Variants in HCRTR2 observed in about 807,000 individuals in gnomAD.
The protein encoded by HCRTR2 is hypocretin receptor 2.
A neutral mutation model predicts 49.0 loss-of-function variants in HCRTR2; 22 were observed. That is an observed-to-expected ratio of 0.45 (90% CI 0.32 to 0.64). HCRTR2 has a LOEUF of 0.64. Ranked by LOEUF, HCRTR2 falls within the 30% of genes least tolerant of loss-of-function variation. HCRTR2 has a pLI of 0.04. For synonymous variants in HCRTR2, 236 were observed against 205.3 expected (o/e 1.15, Z -1.28); for missense variants, 491 against 559.4 (o/e 0.88, Z 1.23).
chr6:55,122,941 G>T (rs1764222075), intron 1 of HCRTR2, among the ~76,000 whole-genome samples: 1 of 136,130 alleles, frequency 7.3e-6, no homozygotes. Flanking sequence ...CACAAGAAGG[G>T]GAACATCACA....
chr6:55,145,393 G>T (rs980649104), intron 1 of HCRTR2, among the ~76,000 whole-genome samples: 1 of 136,140 alleles, frequency 7.3e-6, no homozygotes, highest in Admixed American at 7.0e-5. Flanking sequence ...AACATTCTTT[G>T]TTTTTTTTTT....
At chr6:55,263,457 A>G (rs1442242571) in intron 3 of HCRTR2, among the ~76,000 whole-genome samples, 1 of 152,116 alleles carries the variant, frequency 6.6e-6, no homozygotes, top group Non-Finnish European at 1.5e-5. Context: ...AAATTAAGAA[A>G]TAGCTAATGC....
chr6:55,145,892 A>C (rs1418469849), intron 1 of HCRTR2, among the ~76,000 whole-genome samples: 1 of 151,900 alleles, frequency 6.6e-6, no homozygotes, highest in Non-Finnish European at 1.5e-5. Context: ...ATAATCCTAC[A>C]TTTCTACTCA....
chr6:55,223,763 G>T (rs9396063), intron 1 of HCRTR2, among the ~76,000 whole-genome samples: 27,310 of 151,526 alleles, frequency 0.18, 2,834 homozygotes, highest in Non-Finnish European at 0.24. Context: ...AGAAAAATTC[G>T]GGCAACTTAC....
chr6:55,117,338 G>A (rs950759576), intron 1 of HCRTR2, among the ~76,000 whole-genome samples: 4 of 151,690 alleles, frequency 2.6e-5, no homozygotes, highest in African/African-American at 9.7e-5. Context: ...GCTCAAAGAG[G>A]TTGAATCAAA....
At chr6:55,178,378 G>A (rs994068485) in intron 1 of HCRTR2, among the ~76,000 whole-genome samples, 2 of 152,000 alleles carry the variant, frequency 1.3e-5, no homozygotes, top group Non-Finnish European at 2.9e-5. Context: ...TGTGCCATTA[G>A]CAAGTTATTG....
chr6:55,249,119 A>T (rs1362053446), intron 2 of HCRTR2, among the ~76,000 whole-genome samples: 1 of 152,076 alleles, frequency 6.6e-6, no homozygotes, highest in Non-Finnish European at 1.5e-5. Context: ...ATTTGATCCC[A>T]AAAGTTTGAT....
At chr6:55,161,599 G>C (rs1764806686) in intron 1 of HCRTR2, among the ~76,000 whole-genome samples, 1 of 151,910 alleles carries the variant, frequency 6.6e-6, no homozygotes, top group South Asian at 2.1e-4. Context: ...GACTAATGAA[G>C]AAGAAAAGAG....
intron 1 of HCRTR2, among the ~76,000 whole-genome samples, chr6:55,164,550 C>T (rs1297387922): frequency 6.6e-6 from 1 of 152,094 alleles, no homozygotes; most frequent in African/African-American, 2.4e-5. Flanking sequence ...CACATATTCT[C>T]ACTCATAAGT....
chr6:55,240,226 C>T (rs545113628), intron 1 of HCRTR2, among the ~76,000 whole-genome samples: 1 of 151,464 alleles, frequency 6.6e-6, no homozygotes, highest in African/African-American at 2.4e-5. Flanking sequence ...GGCGCGGTGG[C>T]GGGCGCCTGT....
intron 1 of HCRTR2, among the ~76,000 whole-genome samples, chr6:55,156,538 G>C (rs1444879852): frequency 6.6e-6 from 1 of 150,894 alleles, no homozygotes; most frequent in Non-Finnish European, 1.5e-5. Flanking sequence ...CAAGACAACT[G>C]TCTCTCTCTC....
intron 1 of HCRTR2, among the ~76,000 whole-genome samples, chr6:55,209,922 A>G (rs1765668259): frequency 1.3e-5 from 2 of 152,164 alleles, no homozygotes; most frequent in African/African-American, 2.4e-5. Flanking sequence ...AGAACAATGT[A>G]TTCGGTTAGA....
intron 1 of HCRTR2, among the ~76,000 whole-genome samples, chr6:55,241,783 A>G (rs1766336367): frequency 2.0e-5 from 3 of 148,428 alleles, no homozygotes; most frequent in Admixed American, 2.0e-4. Context: ...TTCATTCTGT[A>G]TTGAAGGTTT....
chr6:55,127,470 C>T (rs935126043), intron 1 of HCRTR2, among the ~76,000 whole-genome samples: 11 of 152,140 alleles, frequency 7.2e-5, no homozygotes, highest in Admixed American at 4.6e-4. Context: ...CTGCACTCTG[C>T]GTTGGACTTG....
At chr6:55,240,198 A>T (rs1766297961) in intron 1 of HCRTR2, among the ~76,000 whole-genome samples, 1 of 151,730 alleles carries the variant, frequency 6.6e-6, no homozygotes, top group Non-Finnish European at 1.5e-5. Flanking sequence ...TCTACTAAAA[A>T]TACAAAAAAA....
chr6:55,162,104 C>A (rs1030350205), intron 1 of HCRTR2, among the ~76,000 whole-genome samples: 1 of 152,150 alleles, frequency 6.6e-6, no homozygotes, highest in African/African-American at 2.4e-5. Flanking sequence ...TACTGGCAAA[C>A]CAAATCCAGC....
chr6:55,259,000 G>A (rs549304319), intron 3 of HCRTR2, among the ~76,000 whole-genome samples: 20 of 152,192 alleles, frequency 1.3e-4, no homozygotes, highest in African/African-American at 3.1e-4. Context: ...GCAGTGAGCC[G>A]AGATCATGGC....
intron 1 of HCRTR2, among the ~76,000 whole-genome samples, chr6:55,223,095 T>C (rs1431658146): frequency 6.6e-6 from 1 of 152,208 alleles, no homozygotes; most frequent in Non-Finnish European, 1.5e-5. Context: ...GCAGAGTATA[T>C]AAACTATCTT....
In HCRTR2 at chr6:55,174,571, C is replaced by A; in HGVS notation, c.-17C>A. On this transcript the variant is annotated 5_prime_UTR_variant, in exon 1 of 7. Transcript: ENST00000370862. Reference sequence around the variant, plus strand: ...GAGGAGCTTGCAGCATTGAGCGGAACCGGACTTGAGCCCGTGATGTCCGGC... The same window carrying A: ...GAGGAGCTTGCAGCATTGAGCGGAAACGGACTTGAGCCCGTGATGTCCGGC... 6.2e-7 allele frequency: 1 copy of A among 1,605,892 alleles called. No homozygotes were observed. The highest frequency in any genetic ancestry group is 8.5e-7 in the Non-Finnish European group (1 of 1,172,598).
Sources: allele counts gnomAD v4.1 joint callset (sites outside exome capture counted in the v4.1 genomes callset), GRCh38; gene constraint gnomAD v4.1.1; transcripts MANE v1.5; gene names NCBI Gene and HGNC (gene_info 2026-07-23, HGNC 2026-07-21).